PAPOLG: variants seen among roughly 807,000 people sequenced by gnomAD.
The protein encoded by PAPOLG is poly(A) polymerase gamma, also known as PAP-gamma.
Under a neutral mutation model 99.0 loss-of-function variants are expected in PAPOLG, and 40 were observed. That is an observed-to-expected ratio of 0.40 (90% CI 0.31 to 0.53). The LOEUF (loss-of-function observed/expected upper bound fraction) is 0.53. Among genes scored for constraint, PAPOLG ranks in the 20% least tolerant of loss-of-function variants. The pLI, the probability that PAPOLG is intolerant of heterozygous loss-of-function variation, is 0.41. For missense variants in PAPOLG, 675 were observed against 884.1 expected (o/e 0.76, Z 3.00); for synonymous variants, 310 against 299.3 (o/e 1.04, Z -0.37).
In PAPOLG at chr2:60,760,583, A is replaced by T. The variant is rs181966571; in HGVS notation, c.179+288A>T. Among the ~76,000 whole-genome samples the T allele has an allele frequency of 2.1e-3, 313 of 152,322 alleles. 1 individual carries two copies. Among genetic ancestry groups the T allele is most frequent in the African/African-American group, 7.1e-3 (295 of 41,582 alleles). On this transcript the variant is annotated intron_variant, in intron 2 of 21. Coordinates refer to ENST00000238714, the MANE Select transcript of PAPOLG (RefSeq NM_022894.4). ...AGCCTCATTGAGAAAGTTACATTTA[A>T]GGGAAAATTTAAAGATGAAGGAGGG...
chr2:60,756,639 C>T (rs1166622324), intron 1 of PAPOLG, 144 bp downstream of exon 1: 2 of 900,374 alleles, frequency 2.2e-6, no homozygotes, highest in Non-Finnish European at 3.3e-6. Flanking sequence ...CCGGCCGGTC[C>T]GCAAGGGCAC....
intron 1 of PAPOLG, among the ~76,000 whole-genome samples, chr2:60,758,115 G>C (rs1185745034): frequency 6.6e-6 from 1 of 152,188 alleles, no homozygotes; most frequent in South Asian, 2.1e-4. Context: ...ATACTATATA[G>C]ATATGTAGAT....
intron 9 of PAPOLG, 132 bp from the exon 10 acceptor site, chr2:60,780,575 C>T: frequency 1.1e-6 from 1 of 916,640 alleles, no homozygotes; most frequent in Non-Finnish European, 1.6e-6. Flanking sequence ...CATGCTCGGC[C>T]TTTTTTTCCT....
At chr2:60,796,393 C>T (rs1671702061) in intron 21 of PAPOLG, among the ~76,000 whole-genome samples, 1 of 151,882 alleles carries the variant, frequency 6.6e-6, no homozygotes, top group Admixed American at 6.6e-5. Context: ...CCCGCCTTGG[C>T]CTCCCAAAGT....
intron 1 of PAPOLG, 82 bp from the exon 2 acceptor site, chr2:60,760,052 A>G (rs566720594): frequency 3.1e-5 from 42 of 1,373,158 alleles, no homozygotes; most frequent in Non-Finnish European, 4.0e-5. Flanking sequence ...CTAAATTAAC[A>G]TGAGTAGATT....
chr2:60,775,041 A>C lies in PAPOLG; in HGVS notation c.612A>C (p.Arg204Ser). The change falls in exon 8 of 22, where the codon AGA (arginine) becomes AGC (serine). Residue 204 changes from arginine to serine, a missense_variant. Around this residue, in one of 3 missense-constraint regions of PAPOLG, gnomAD observed 113 missense variants for 231.5 expected, o/e 0.49. Transcript: ENST00000238714. ...ATGCTTTGTCTTTTTCAGGTTGTAG[A>C]GTTACTGATGAAATTTTGCATTTAG... ...IRCIRSLNGC[R>S]VTDEILHLVP... 6.2e-7 allele frequency: 1 copy of C among 1,613,208 alleles called. No individual in the cohort carries two copies. Among genetic ancestry groups the C allele is most frequent in the Non-Finnish European group, 8.5e-7 (1 of 1,179,762 alleles).
chr2:60,756,311 T>G lies in PAPOLG; in HGVS notation c.-168T>G. ...GTATTGTCATAAATAGAGCCGGTTT[T>G]GTGGTGTTTTCACTACTCGGTTGGA... On this transcript the variant is annotated 5_prime_UTR_variant, in exon 1 of 22. Transcript: ENST00000238714. 2 of 780,620 alleles carry G rather than the reference T, an allele frequency of 2.6e-6. No homozygotes were observed. Among genetic ancestry groups the G allele is most frequent in the Non-Finnish European group, 4.4e-6 (2 of 454,400 alleles). The allele number at this position is 780,620 out of a possible 1,614,324, so 48.4% of individuals were successfully genotyped here. A position where few individuals can be genotyped will look rare whatever the true frequency, so the allele number is the denominator to read the frequency against.
rs1470242113 is a variant in PAPOLG at position 60,793,708 on chromosome 2, T to C, written c.1761T>C (p.Ile587=). 1 of 1,613,024 alleles carries C rather than the reference T, an allele frequency of 6.2e-7. No individual in the cohort carries two copies. Among genetic ancestry groups the C allele is most frequent in the Admixed American group, 1.7e-5 (1 of 59,982 alleles). ...PPAQGLSIPV[I]GAKVDSTVKT... ...CCCAAGGACTTTCCATTCCAGTGAT[T>C]GGCGCAAGTAGGTATCTAAACTTGT... Residue 587 remains isoleucine, a synonymous_variant, in exon 18 of 22, where the codon ATT becomes ATC. Coordinates refer to ENST00000238714, the MANE Select transcript of PAPOLG (RefSeq NM_022894.4).
rs1558726483 is a variant in PAPOLG at position 60,797,149 on chromosome 2, C to G, written c.2200C>G (p.Leu734Val). The G allele has an allele frequency of 2.5e-6, 4 of 1,614,076 alleles. No individual in the cohort carries two copies. Among genetic ancestry groups the G allele is most frequent in the Non-Finnish European group, 2.5e-6 (3 of 1,179,962 alleles). ...CATCAAAAATTCCATTCGACTGACC[C>G]TTAATCGGTAAAAGCAGTGCCTCCT... ...RVIKNSIRLT[L>V]NR The change falls in exon 22 of 22, where the codon CTT (leucine) becomes GTT (valine). Residue 734 changes from leucine (L) to valine (V), a missense_variant. Coordinates refer to ENST00000238714, the MANE Select transcript of PAPOLG (RefSeq NM_022894.4).
In PAPOLG at chr2:60,787,013, T is replaced by C. The variant is rs778329350; in HGVS notation, c.1233T>C (p.Thr411=). 6 of 1,612,880 alleles carry C rather than the reference T, an allele frequency of 3.7e-6. No homozygotes were observed. The highest frequency in any genetic ancestry group is 2.7e-5 in the African/African-American group (2 of 74,912). ...VGNLERNEFI[T]LAHVNPQSFP... is the part of the protein sequence containing the mutation. Reference sequence around the variant, plus strand: ...ACTTGGAACGGAATGAATTTATTACTCTTGCCCATGTGAATCCCCAGTCAT... The same window carrying C: ...ACTTGGAACGGAATGAATTTATTACCCTTGCCCATGTGAATCCCCAGTCAT... Residue 411 remains threonine (T), a synonymous_variant, in exon 14 of 22, where the codon ACT becomes ACC. Coordinates refer to ENST00000238714, the MANE Select transcript of PAPOLG (RefSeq NM_022894.4).
At chr2:60,759,336 C>G (rs1465394299) in intron 1 of PAPOLG, among the ~76,000 whole-genome samples, 1 of 151,634 alleles carries the variant, frequency 6.6e-6, no homozygotes, top group Non-Finnish European at 1.5e-5. Flanking sequence ...CCAATGCACT[C>G]CAGCCTGGGA....
intron 8 of PAPOLG, among the ~76,000 whole-genome samples, chr2:60,775,924 C>T (rs752829547): frequency 3.9e-5 from 6 of 151,926 alleles, no homozygotes; most frequent in African/African-American, 7.3e-5. Flanking sequence ...CCACCATACC[C>T]GGGTAATTTT....
intron 17 of PAPOLG, 38 bp from the exon 18 acceptor site, chr2:60,793,589 T>C: frequency 6.2e-7 from 1 of 1,603,800 alleles, no homozygotes; most frequent in Non-Finnish European, 8.5e-7. Flanking sequence ...AAGTAATATT[T>C]AAATCATTTA....
In PAPOLG at chr2:60,768,453, G is replaced by A. The variant is rs376808466; in HGVS notation, c.247-17G>A. On this transcript the variant is annotated splice_polypyrimidine_tract_variant and intron_variant, in intron 3 of 21. Coordinates refer to ENST00000238714, the MANE Select transcript of PAPOLG (RefSeq NM_022894.4). ...TAATTTGAATAATTGAATGTCTTCC[G>A]CTTAATTTTATTTTAGAACCTCCCA... The A allele has an allele frequency of 1.9e-5, 31 of 1,611,064 alleles. No individual in the cohort carries two copies. Among genetic ancestry groups the A allele is most frequent in the South Asian group, 4.4e-5 (4 of 90,608 alleles).
chr2:60,784,803 G>T (rs1286606818), intron 13 of PAPOLG, among the ~76,000 whole-genome samples: 1 of 152,144 alleles, frequency 6.6e-6, no homozygotes, highest in African/African-American at 2.4e-5. Flanking sequence ...AAGTTGAATA[G>T]GTGTAACAAA....
chr2:60,794,583 C>G (rs1671641344), intron 19 of PAPOLG, 127 bp from the exon 20 acceptor site: 2 of 771,422 alleles, frequency 2.6e-6, no homozygotes, highest in Non-Finnish European at 4.1e-6. Flanking sequence ...ATTATCTTCT[C>G]TTACCAATCC....
intron 7 of PAPOLG, among the ~76,000 whole-genome samples, chr2:60,772,103 A>T (rs1670870301): frequency 1.3e-5 from 2 of 151,408 alleles, no homozygotes; most frequent in African/African-American, 2.4e-5. Flanking sequence ...CTAGATTCTC[A>T]TTTGTGTCTA....
rs1671545139 is a variant in PAPOLG, at chr2:60,791,844, C to T, written c.1480C>T (p.His494Tyr). The change falls in exon 16 of 22, where the codon CAC (histidine) becomes TAC (tyrosine). Residue 494 changes from histidine to tyrosine, a missense_variant. This residue lies in a region of PAPOLG where 413 missense variants were observed against 460.5 expected (regional missense o/e 0.90). Coordinates refer to ENST00000238714, the MANE Select transcript of PAPOLG (RefSeq NM_022894.4). The part of the protein sequence containing the change: ...ATHVKKKQLH[H>Y]YLPAEILQKK... ...TCATGTAAAGAAAAAACAACTTCAC[C>T]ACTACCTTCCTGCAGAAATTCTTCA... 3.7e-6 allele frequency: 6 copies of T among 1,613,168 alleles called. No homozygotes were observed. The highest frequency in any genetic ancestry group is 5.1e-6 in the Non-Finnish European group (6 of 1,179,846).
rs2103744468 is a variant in PAPOLG at position 60,756,320 on chromosome 2, T to G, written c.-159T>G. 1.2e-6 allele frequency: 1 copy of G among 860,118 alleles called. No homozygotes were observed. The highest frequency in any genetic ancestry group is 2.5e-4 in the Middle Eastern group (1 of 4,024). 53.3% of individuals were successfully genotyped at this position (860,118 alleles called of 1,614,324 possible). A position where few individuals can be genotyped will look rare whatever the true frequency, so the allele number is the denominator to read the frequency against. ...TAAATAGAGCCGGTTTTGTGGTGTT[T>G]TCACTACTCGGTTGGATGCCTCAGC... is the stretch of plus-strand genomic sequence containing the variant. On this transcript the variant is annotated 5_prime_UTR_variant, in exon 1 of 22. Transcript: ENST00000238714.
Sources: gnomAD v4.1 joint callset for allele counts (sites outside exome capture counted in the v4.1 genomes callset) on GRCh38, gnomAD v4.1.1 for gene constraint, gnomAD v4.1.1 regional missense constraint, MANE v1.5 for transcripts, NCBI Gene and HGNC (gene_info 2026-07-23, HGNC 2026-07-21) for gene names.